SLC9A9: variants seen among roughly 807,000 people sequenced by gnomAD.
SLC9A9 encodes solute carrier family 9 member A9.
Under a neutral mutation model 77.8 loss-of-function variants are expected in SLC9A9, and 62 were observed. The ratio of observed to expected loss-of-function variants is 0.80; its 90% CI spans 0.65 to 0.98. SLC9A9 has a LOEUF of 0.98. SLC9A9 is among the 50% of genes least tolerant of loss of function. The probability of loss-of-function intolerance (pLI) is 0.00; values close to 1 mark genes in which losing one functional copy is unlikely to be tolerated. For missense variants in SLC9A9, 775 were observed against 774.9 expected (o/e 1.00, Z 0.00); for synonymous variants, 320 against 283.5 (o/e 1.13, Z -1.29).
chr3:143,688,248 G>C (rs1933342286), intron 5 of SLC9A9, among the ~76,000 whole-genome samples: 1 of 151,916 alleles, frequency 6.6e-6, no homozygotes, highest in Non-Finnish European at 1.5e-5. Context: ...ATTGTGCCCA[G>C]TCTGGATTTT....
intron 6 of SLC9A9, among the ~76,000 whole-genome samples, chr3:143,633,490 A>G (rs2038462327): frequency 6.6e-6 from 1 of 152,184 alleles, no homozygotes; most frequent in Non-Finnish European, 1.5e-5. Context: ...TTAAAGCTCC[A>G]AAGTGTGCCA....
At chr3:143,788,956 G>A (rs1241786124) in intron 4 of SLC9A9, among the ~76,000 whole-genome samples, 1 of 151,764 alleles carries the variant, frequency 6.6e-6, no homozygotes, top group African/African-American at 2.4e-5. Flanking sequence ...AAATACCAAA[G>A]AAGAAAATAA....
intron 11 of SLC9A9, among the ~76,000 whole-genome samples, chr3:143,473,525 T>G (rs1208303558): frequency 6.6e-6 from 1 of 152,224 alleles, no homozygotes; most frequent in Non-Finnish European, 1.5e-5. Flanking sequence ...GCCTTTCCTT[T>G]GTGCTTCTCC....
chr3:143,843,128 G>A (rs1052092797), intron 1 of SLC9A9, among the ~76,000 whole-genome samples: 3 of 152,154 alleles, frequency 2.0e-5, no homozygotes, highest in Non-Finnish European at 4.4e-5. Context: ...AAAAGCCACA[G>A]TGGAATAAGT....
At chr3:143,309,417 CAA>C (rs10569058) in intron 14 of SLC9A9, among the ~76,000 whole-genome samples, 60,729 of 137,250 alleles carry the variant, frequency 0.44, 13,899 homozygotes, top group African/African-American at 0.64. Flanking sequence ...AACAGAAAAG[CAA>C]AAAAAAAAAA....
chr3:143,379,535 C>T (rs1349442858), intron 13 of SLC9A9, among the ~76,000 whole-genome samples: 1 of 152,172 alleles, frequency 6.6e-6, no homozygotes, highest in Admixed American at 6.5e-5. Flanking sequence ...TTACAGTATA[C>T]TTCTTAAAAA....
At chr3:143,296,000 A>G (rs1046266730) in intron 14 of SLC9A9, among the ~76,000 whole-genome samples, 2 of 152,168 alleles carry the variant, frequency 1.3e-5, no homozygotes, top group Middle Eastern at 3.2e-3. Context: ...AAGTGCCTGC[A>G]ATAGTTAATA....
intron 14 of SLC9A9, among the ~76,000 whole-genome samples, chr3:143,333,796 C>G (rs2031845105): frequency 6.6e-6 from 1 of 152,176 alleles, no homozygotes; most frequent in African/African-American, 2.4e-5. Flanking sequence ...ACTCTTTTGG[C>G]AAAATCTTAT....
intron 12 of SLC9A9, among the ~76,000 whole-genome samples, chr3:143,396,150 G>T (rs1362919470): frequency 6.6e-6 from 1 of 152,106 alleles, no homozygotes; most frequent in African/African-American, 2.4e-5. Context: ...ACATGCACAC[G>T]TATGTTTATT....
At position 143,719,055 on chromosome 3, in the gene SLC9A9, C is replaced by T. The variant is rs529638642; in HGVS notation, c.534-25748G>A. On this transcript the variant is annotated intron_variant, in intron 4 of 15. Coordinates refer to ENST00000316549, the MANE Select transcript of SLC9A9 (RefSeq NM_173653.4). ...TTTAATCTTAAACGGATAAATGGAA[C>T]GTTAACTTCTTAATGTGTTCTATAA... Among the ~76,000 whole-genome samples the T allele has an allele frequency of 3.3e-5, 5 of 152,240 alleles. No individual in the cohort carries two copies. In the East Asian group the frequency reaches 5.8e-4, roughly 18 times the overall value.
chr3:143,818,803 C>T (rs2009086665), intron 2 of SLC9A9, among the ~76,000 whole-genome samples: 1 of 152,044 alleles, frequency 6.6e-6, no homozygotes. Context: ...GAGGATCGGC[C>T]AGGCGCGGTG....
chr3:143,781,037 T>A lies in SLC9A9; in HGVS notation c.533+13964A>T, dbSNP rs545607688. On this transcript the variant is annotated intron_variant, in intron 4 of 15. Coordinates refer to ENST00000316549, the MANE Select transcript of SLC9A9 (RefSeq NM_173653.4). ...GTATTGAAAATATGTCCCCATATAC[T>A]CTCTCACCCCATTTCCTCTATTATT... is the stretch of plus-strand genomic sequence containing the variant. Among the ~76,000 whole-genome samples the A allele has an allele frequency of 7.2e-5, 11 of 152,306 alleles. No homozygotes were observed. In the East Asian group the frequency reaches 2.1e-3, roughly 29 times the overall value.
intron 14 of SLC9A9, among the ~76,000 whole-genome samples, chr3:143,304,854 C>T (rs1198352264): frequency 1.3e-5 from 2 of 152,112 alleles, no homozygotes; most frequent in Non-Finnish European, 2.9e-5. Context: ...TACCTGCAAG[C>T]CCAGGTGATG....
chr3:143,782,600 A>G (rs2007917534), intron 4 of SLC9A9, among the ~76,000 whole-genome samples: 2 of 152,222 alleles, frequency 1.3e-5, no homozygotes, highest in African/African-American at 4.8e-5. Context: ...TAAGTGAGAT[A>G]ATGAATGCTG....
intron 8 of SLC9A9, among the ~76,000 whole-genome samples, chr3:143,564,414 A>C (rs940420238): frequency 6.6e-6 from 1 of 152,194 alleles, no homozygotes; most frequent in African/African-American, 2.4e-5. Context: ...GAACACAGAA[A>C]GAGAATGAAT....
chr3:143,266,913 T>A lies in SLC9A9; in HGVS notation c.1727A>T (p.Asp576Val). 6.2e-7 allele frequency: 1 copy of A among 1,613,926 alleles called. No individual in the cohort carries two copies. The highest frequency in any genetic ancestry group is 8.5e-7 in the Non-Finnish European group (1 of 1,179,892). ...CTGGTTTACAATGCATTCCACATCA[T>A]CCTCTTTTAGCTGTTCCTGGTTGGG... Reference protein sequence around the residue: ...PQAYGEQLKEDDVECIVNQDE... With the variant: ...PQAYGEQLKEVDVECIVNQDE... The change falls in exon 16 of 16, where the codon GAT becomes GTT. Residue 576 changes from aspartate to valine, a missense_variant. Transcript: ENST00000316549.
intron 4 of SLC9A9, among the ~76,000 whole-genome samples, chr3:143,713,641 A>C (rs1300688427): frequency 6.6e-6 from 1 of 152,176 alleles, no homozygotes; most frequent in Non-Finnish European, 1.5e-5. Context: ...TATTCTGTGA[A>C]AGGGATATTG....
chr3:143,796,488 G>A (rs371248646), intron 3 of SLC9A9, among the ~76,000 whole-genome samples: 49 of 151,990 alleles, frequency 3.2e-4, no homozygotes, highest in African/African-American at 1.1e-3. Flanking sequence ...ATTTCTACAC[G>A]AAATCAATAT....
intron 14 of SLC9A9, among the ~76,000 whole-genome samples, chr3:143,303,999 T>C (rs1348214421): frequency 6.6e-6 from 1 of 152,206 alleles, no homozygotes; most frequent in African/African-American, 2.4e-5. Flanking sequence ...CTGGCACAGA[T>C]TTCCAGAAAA....
Sources: gnomAD v4.1 joint callset for allele counts (sites outside exome capture counted in the v4.1 genomes callset) on GRCh38, gnomAD v4.1.1 for gene constraint, MANE v1.5 for transcripts, NCBI Gene and HGNC (gene_info 2026-07-23, HGNC 2026-07-21) for gene names.